PCDHA2: variants seen among roughly 807,000 people sequenced by gnomAD.
The protein encoded by PCDHA2 is protocadherin alpha-2.
PCDHA2 carries 58 observed loss-of-function variants against 66.0 expected under a neutral mutation model. That is an observed-to-expected ratio of 0.88 (90% CI 0.71 to 1.09). The LOEUF is 1.09. PCDHA2 is among the 50% of genes least tolerant of loss of function. The pLI is 0.00. For synonymous variants in PCDHA2, 634 were observed against 554.0 expected, an observed-to-expected ratio of 1.14 and a Z score of -2.03; for missense variants, 1,267 against 1,242.3, an observed-to-expected ratio of 1.02 and a Z score of -0.30.
chr5:140,905,771 G>A lies in PCDHA2; in HGVS notation c.2389-73178G>A, dbSNP rs112500166. ...TCACCTCCTTGGTTAAGTATATTCC[G>A]AAGTGTATTAGTCAGGGTTCTCTAG... is the stretch of plus-strand genomic sequence containing the variant. On this transcript the variant is annotated intron_variant, in intron 1 of 3. Coordinates refer to ENST00000526136, the MANE Select transcript of PCDHA2 (RefSeq NM_018905.3). Among the ~76,000 whole-genome samples the A allele has an allele frequency of 4.4e-3, 670 of 152,104 alleles. 7 individuals are homozygous for A. Among genetic ancestry groups the A allele is most frequent in the African/African-American group, 0.015 (623 of 41,484 alleles).
At chr5:140,891,128 C>G (rs1554184692) in intron 1 of PCDHA2, among the ~76,000 whole-genome samples, 1 of 152,100 alleles carries the variant, frequency 6.6e-6, no homozygotes, top group Non-Finnish European at 1.5e-5. Flanking sequence ...AAATGTCATT[C>G]CTTTAAAGGT....
chr5:140,795,372 A>AG lies in PCDHA2; in HGVS notation c.409dup (p.Val137GlyfsTer13). ...ACAACCCGCCAATATTTCCAATGAC[A>AG]GTAAAGACTATCCGGTTTCCCGAAT... On this transcript the variant is annotated frameshift_variant, in exon 1 of 4. Transcript: ENST00000526136. LOFTEE classifies it high-confidence loss of function. The AG allele has an allele frequency of 6.2e-7, 1 of 1,614,180 alleles. No individual in the cohort carries two copies. The highest frequency in any genetic ancestry group is 8.5e-7 in the Non-Finnish European group (1 of 1,180,042).
At chr5:140,872,054 C>T (rs970445290) in intron 1 of PCDHA2, among the ~76,000 whole-genome samples, 2 of 152,238 alleles carry the variant, frequency 1.3e-5, no homozygotes, top group East Asian at 3.8e-4. Flanking sequence ...CCCACTTCAG[C>T]CTCCAGAGTA....
At chr5:140,984,680 AT>A (rs1180119303) in intron 3 of PCDHA2, among the ~76,000 whole-genome samples, 1 of 152,158 alleles carries the variant, frequency 6.6e-6, no homozygotes, top group East Asian at 1.9e-4. Context: ...TTAGGACTCA[AT>A]ATATGTTCTG....
At chr5:140,883,211 T>C in intron 1 of PCDHA2, 1 of 1,613,738 alleles carries the variant, frequency 6.2e-7, no homozygotes, top group Non-Finnish European at 8.5e-7. Context: ...AGAAAAGAAA[T>C]TATATGAAAT....
rs2098420803 is a variant in PCDHA2, at chr5:141,011,492, A to G, written c.*1555A>G. 1 of 153,698 alleles carries G rather than the reference A, an allele frequency of 6.5e-6. No individual in the cohort carries two copies. Among genetic ancestry groups the G allele is most frequent in the African/African-American group, 2.4e-5 (1 of 41,432 alleles). 9.5% of individuals were successfully genotyped at this position (153,698 alleles called of 1,614,324 possible). A position where few individuals can be genotyped will look rare whatever the true frequency, so the allele number is the denominator to read the frequency against. On this transcript the variant is annotated 3_prime_UTR_variant, in exon 4 of 4. Transcript: ENST00000526136. ...AATTCCATTATATTTCCTTTTGTAC[A>G]CCTGTGAAAAAGTGGAGTAGTGTTT... is the stretch of plus-strand genomic sequence containing the variant.
At chr5:140,798,821 G>A (rs1762366010) in intron 1 of PCDHA2, among the ~76,000 whole-genome samples, 1 of 152,126 alleles carries the variant, frequency 6.6e-6, no homozygotes, top group African/African-American at 2.4e-5. Context: ...CCAACCAAAG[G>A]CAGATGTATT....
intron 1 of PCDHA2, chr5:140,843,304 C>A (rs2150356889): frequency 5.6e-6 from 9 of 1,595,876 alleles, no homozygotes; most frequent in Non-Finnish European, 7.7e-6. Flanking sequence ...CGCTGACCGC[C>A]ACGGCCACGG....
intron 1 of PCDHA2, chr5:140,871,145 C>T (rs1249708738): frequency 1.2e-6 from 2 of 1,613,300 alleles, no homozygotes; most frequent in East Asian, 2.2e-5. Context: ...TCTTCCCGGA[C>T]TTTGGCGGGC....
intron 1 of PCDHA2, chr5:140,882,003 G>C: frequency 2.0e-6 from 1 of 492,180 alleles, no homozygotes; most frequent in Non-Finnish European, 3.4e-6. Flanking sequence ...AATGCAAGGG[G>C]CAAAAAAATA....
At chr5:140,867,714 T>C (rs1345564202) in intron 1 of PCDHA2, 1 of 152,070 alleles carries the variant, frequency 6.6e-6, no homozygotes, top group Non-Finnish European at 1.5e-5. Flanking sequence ...CCTAAGGGTA[T>C]ATGAAAAGAC....
intron 3 of PCDHA2, among the ~76,000 whole-genome samples, chr5:141,002,946 G>A (rs2098104148): frequency 6.6e-6 from 1 of 152,180 alleles, no homozygotes; most frequent in African/African-American, 2.4e-5. Flanking sequence ...TCCAGCACAT[G>A]CCCCTCTGAG....
chr5:140,811,628 C>T (rs1375327929), intron 1 of PCDHA2: 2 of 152,200 alleles, frequency 1.3e-5, no homozygotes, highest in African/African-American at 2.4e-5. Flanking sequence ...GGTGTAAAAG[C>T]GTTACTATTT....
At chr5:140,850,167 G>C (rs2041389844) in intron 1 of PCDHA2, 2 of 1,594,718 alleles carry the variant, frequency 1.3e-6, no homozygotes, top group African/African-American at 1.3e-5. Flanking sequence ...CGTGCTGGAC[G>C]AGAACGACAA....
chr5:140,952,512 C>T (rs1381568463), intron 1 of PCDHA2, among the ~76,000 whole-genome samples: 1 of 152,124 alleles, frequency 6.6e-6, no homozygotes, highest in Non-Finnish European at 1.5e-5. Flanking sequence ...TCCTCATCTC[C>T]ATCTGAGACC....
intron 1 of PCDHA2, chr5:140,877,090 G>C: frequency 2.5e-6 from 4 of 1,613,186 alleles, no homozygotes; most frequent in Non-Finnish European, 3.4e-6. Flanking sequence ...CGCGCGCGAC[G>C]CCGGCGTGCC....
At chr5:140,809,824 C>T (rs1562227381) in intron 1 of PCDHA2, 3 of 381,262 alleles carry the variant, frequency 7.9e-6, no homozygotes, top group Non-Finnish European at 9.3e-6. Flanking sequence ...TATATTCACC[C>T]TCTTTGTTTT....
At chr5:140,934,563 T>A (rs1017456946) in intron 1 of PCDHA2, among the ~76,000 whole-genome samples, 1 of 152,212 alleles carries the variant, frequency 6.6e-6, no homozygotes, top group African/African-American at 2.4e-5. Flanking sequence ...TTCTTTTTTT[T>A]AATTAATTGT....
intron 3 of PCDHA2, among the ~76,000 whole-genome samples, chr5:141,007,208 A>G (rs1056049066): frequency 5.3e-5 from 8 of 152,060 alleles, no homozygotes; most frequent in African/African-American, 1.9e-4. Context: ...GGGCCAGAAT[A>G]TGCTGTCCCA....
Sources: allele counts gnomAD v4.1 joint callset (sites outside exome capture counted in the v4.1 genomes callset), GRCh38; gene constraint gnomAD v4.1.1; transcripts MANE v1.5; gene names NCBI Gene and HGNC (gene_info 2026-07-23, HGNC 2026-07-21).